NMRAL1: variants seen among roughly 807,000 people sequenced by gnomAD.
The protein encoded by NMRAL1 is NmrA like redox sensor 1, also known as nmrA-like family domain-containing protein 1.
NMRAL1 carries 32 observed loss-of-function variants against 27.5 expected under a neutral mutation model. The ratio of observed to expected loss-of-function variants is 1.16; its 90% CI spans 0.88 to 1.56. The LOEUF (loss-of-function observed/expected upper bound fraction) is 1.56, where lower values mean the gene tolerates loss of function less well. NMRAL1 is among the 40% of genes most tolerant of loss of function. The pLI is 0.00. For synonymous variants in NMRAL1, 166 were observed against 166.8 expected (o/e 1.00, Z 0.04); for missense variants, 420 against 392.0 (o/e 1.07, Z -0.60).
chr16:4,471,982 G>C (rs1397735764), intron 2 of NMRAL1, among the ~76,000 whole-genome samples: 2 of 152,078 alleles, frequency 1.3e-5, no homozygotes, highest in African/African-American at 4.8e-5. Context: ...GAATGAGTCA[G>C]GAGGATTGCT....
intron 3 of NMRAL1, among the ~76,000 whole-genome samples, chr16:4,468,128 C>T (rs1157387629): frequency 2.0e-5 from 3 of 151,408 alleles, no homozygotes; most frequent in Non-Finnish European, 2.9e-5. Flanking sequence ...GGAGAAACCC[C>T]GTCTGTACTA....
Position 4,461,802 on chromosome 16 carries a change from T to C in NMRAL1, c.878A>G (p.Lys293Arg). Reference protein sequence around the residue: ...LTLDQWLEQHKGDFNLL With the variant: ...LTLDQWLEQHRGDFNLL ...AGGTCACAGCAGGTTGAAGTCCCCT[T>C]TGTGCTGTTCCAGCCACTGGTCCAG... is the stretch of plus-strand genomic sequence containing the variant. The change falls in exon 6 of 6, where the codon AAA (lysine) becomes AGA (arginine). Residue 293 changes from lysine to arginine, a missense_variant. Transcript: ENST00000283429. The C allele has an allele frequency of 6.2e-7, 1 of 1,613,596 alleles. No homozygotes were observed. The highest frequency in any genetic ancestry group is 8.5e-7 in the Non-Finnish European group (1 of 1,179,808).
chr16:4,471,548 G>A (rs1416844519), intron 2 of NMRAL1: 1 of 151,172 alleles, frequency 6.6e-6, no homozygotes, highest in Non-Finnish European at 1.5e-5. Context: ...GAACCCAGGA[G>A]GTTGAGGCTG....
In NMRAL1 at chr16:4,472,191, C is replaced by T. The variant is rs565430850; in HGVS notation, c.40+1902G>A. ...ACAAACAGAATATAGTCTATCCATACGGTGGAATATTACTCAGCCATAAAA... is the reference window on the plus strand; with the variant it reads ...ACAAACAGAATATAGTCTATCCATATGGTGGAATATTACTCAGCCATAAAA... On this transcript the variant is annotated intron_variant, in intron 2 of 5. Coordinates refer to ENST00000283429, the MANE Select transcript of NMRAL1 (RefSeq NM_020677.6). Among the ~76,000 whole-genome samples the T allele has an allele frequency of 1.8e-3, 273 of 152,254 alleles. 1 individual carries two copies. Among genetic ancestry groups the T allele is most frequent in the African/African-American group, 6.0e-3 (250 of 41,536 alleles).
At chr16:4,471,288 C>A (rs1188694916) in intron 2 of NMRAL1, 2 of 152,094 alleles carry the variant, frequency 1.3e-5, no homozygotes, top group East Asian at 3.8e-4. Context: ...TTGAGTCACA[C>A]AGGCATGCGC....
chr16:4,466,806 C>G (rs1461041614), intron 3 of NMRAL1: 1 of 219,632 alleles, frequency 4.6e-6, no homozygotes, highest in Non-Finnish European at 9.2e-6. Context: ...TGCCTAGGTT[C>G]AAATCAGGCT....
In NMRAL1 at chr16:4,461,791, T is replaced by C. The variant is rs1447592325; in HGVS notation, c.889A>G (p.Asn297Asp). The change falls in exon 6 of 6, where the codon AAC (asparagine) becomes GAC (aspartate). Residue 297 changes from asparagine to aspartate, a missense_variant. By Grantham distance (23) the Asn-to-Asp change is conservative (BLOSUM62 1). Coordinates refer to ENST00000283429, the MANE Select transcript of NMRAL1 (RefSeq NM_020677.6). ...GCGAGGCGGGCAGGTCACAGCAGGT[T>C]GAAGTCCCCTTTGTGCTGTTCCAGC... ...QWLEQHKGDF[N>D]LL 1 of 1,612,140 alleles carries C rather than the reference T, an allele frequency of 6.2e-7. No homozygotes were observed. The highest frequency in any genetic ancestry group is 1.7e-5 in the Admixed American group (1 of 59,536).
upstream of NMRAL1, among the ~76,000 whole-genome samples, chr16:4,475,468 C>A (rs568948984): frequency 1.3e-5 from 2 of 151,506 alleles, no homozygotes; most frequent in Admixed American, 6.6e-5. Flanking sequence ...CCACCATGCC[C>A]GGCTAAAATT....
chr16:4,463,925 G>A, intron 4 of NMRAL1, 75 bp from the exon 5 acceptor site: 1 of 1,261,414 alleles, frequency 7.9e-7, no homozygotes, highest in Non-Finnish European at 1.1e-6. Flanking sequence ...TCTCCAAAGG[G>A]TCCAAGCTGG....
chr16:4,468,299 C>A (rs1232053226), intron 3 of NMRAL1, among the ~76,000 whole-genome samples: 1 of 151,560 alleles, frequency 6.6e-6, no homozygotes, highest in Non-Finnish European at 1.5e-5. Context: ...CGAAACTCGG[C>A]CTCAAAAAAT....
chr16:4,463,955 G>T, intron 4 of NMRAL1, 105 bp from the exon 5 acceptor site: 1 of 784,610 alleles, frequency 1.3e-6, no homozygotes, highest in Non-Finnish European at 2.1e-6. Flanking sequence ...GCAGTCAGCT[G>T]CACACTCCAG....
chr16:4,463,630 T>C, intron 5 of NMRAL1, 30 bp downstream of exon 5: 2 of 1,608,808 alleles, frequency 1.2e-6, no homozygotes, highest in Non-Finnish European at 1.7e-6. Context: ...CTGACAAGGA[T>C]GCCTGAGTCA....
chr16:4,466,591 C>T (rs1208531514), intron 3 of NMRAL1, 189 bp from the exon 4 acceptor site: 1 of 608,064 alleles, frequency 1.6e-6, no homozygotes, highest in Non-Finnish European at 2.9e-6. Flanking sequence ...AAACACAGCC[C>T]CGGAAGCCTT....
At chr16:4,475,761 A>T (rs2057805841), upstream of NMRAL1, among the ~76,000 whole-genome samples, 1 of 151,074 alleles carries the variant, frequency 6.6e-6, no homozygotes, top group African/African-American at 2.4e-5. Flanking sequence ...AACATGGTGA[A>T]ACCCCCGTCT....
intron 2 of NMRAL1, among the ~76,000 whole-genome samples, chr16:4,470,932 G>C (rs753270514): frequency 2.5e-4 from 35 of 142,294 alleles, no homozygotes; most frequent in Admixed American, 5.9e-4. Context: ...GGACGACAGA[G>C]CAAGACTCCG....
At chr16:4,474,024 C>G in intron 2 of NMRAL1, 69 bp downstream of exon 2, 1 of 1,294,186 alleles carries the variant, frequency 7.7e-7, no homozygotes, top group Non-Finnish European at 1.1e-6. Context: ...CCTGCAGACC[C>G]CAGGACGGGC....
chr16:4,465,403 C>T (rs1313043726), intron 4 of NMRAL1, among the ~76,000 whole-genome samples: 1 of 152,190 alleles, frequency 6.6e-6, no homozygotes, highest in Non-Finnish European at 1.5e-5. Flanking sequence ...ACCAGCAGGA[C>T]ACAGGTTGGG....
chr16:4,474,204 C>G (rs1433160017), intron 1 of NMRAL1, 38 bp from the exon 2 acceptor site: 1 of 1,501,034 alleles, frequency 6.7e-7, no homozygotes, highest in East Asian at 2.3e-5. Context: ...GGGGTGGGGC[C>G]GGGGTTCCCG....
upstream of NMRAL1, among the ~76,000 whole-genome samples, chr16:4,475,351 CTGG>C (rs548683014): frequency 0.034 from 5,203 of 151,796 alleles, 302 homozygotes; most frequent in African/African-American, 0.12. Context: ...GTGGCCCAGG[CTGG>C]AGTGCAGTGG....
Sources: gnomAD v4.1 joint callset for allele counts (sites outside exome capture counted in the v4.1 genomes callset) on GRCh38, gnomAD v4.1.1 for gene constraint, MANE v1.5 for transcripts, NCBI Gene and HGNC (gene_info 2026-07-23, HGNC 2026-07-21) for gene names.